Variants in TTC19 observed in about 807,000 individuals in gnomAD.
TTC19 encodes tetratricopeptide repeat protein 19, mitochondrial.
A neutral mutation model predicts 49.5 loss-of-function variants in TTC19; 38 were observed. The ratio of observed to expected loss-of-function variants is 0.77; its 90% CI spans 0.59 to 1.01. The LOEUF (loss-of-function observed/expected upper bound fraction) is 1.01. Ranked by LOEUF, TTC19 falls within the 50% of genes least tolerant of loss-of-function variation. The pLI, the probability that TTC19 is intolerant of heterozygous loss-of-function variation, is 0.00. For synonymous variants in TTC19, 204 were observed against 185.2 expected, an observed-to-expected ratio of 1.10 and a Z score of -0.83; for missense variants, 475 against 477.7, an observed-to-expected ratio of 0.99 and a Z score of 0.05.
intron 7 of TTC19, among the ~76,000 whole-genome samples, chr17:16,009,754 T>C (rs1221211033): frequency 4.6e-5 from 7 of 152,188 alleles, no homozygotes; most frequent in Non-Finnish European, 8.8e-5. Flanking sequence ...AAAATTACAT[T>C]ACTTAATTAC....
At chr17:16,031,569 C>T (rs953934515), downstream of TTC19, 3 of 219,874 alleles carry the variant, frequency 1.4e-5, no homozygotes, top group Non-Finnish European at 2.7e-5. Flanking sequence ...CTAGAACATA[C>T]CCATGCAGTA....
chr17:16,020,813 C>T (rs1971355657), intron 7 of TTC19, among the ~76,000 whole-genome samples: 1 of 151,966 alleles, frequency 6.6e-6, no homozygotes, highest in South Asian at 2.1e-4. Context: ...ATTAGGAGTA[C>T]AGGCACGTGC....
intron 2 of TTC19, chr17:16,034,912 A>G (rs762066806): frequency 9.3e-6 from 15 of 1,613,958 alleles, no homozygotes; most frequent in Non-Finnish European, 8.5e-7. Context: ...CTGCTGTTTG[A>G]CTTGCTGATC....
intron 7 of TTC19, among the ~76,000 whole-genome samples, chr17:16,020,694 G>C (rs886426571): frequency 6.6e-6 from 1 of 151,862 alleles, no homozygotes; most frequent in African/African-American, 2.4e-5. Flanking sequence ...CAAGAGACAA[G>C]GTCTTCCTTT....
chr17:16,028,818 CAAAAA>C lies in TTC19; in HGVS notation c.*1320_*1324del, dbSNP rs59177775. 883 of 98,624 alleles carry C rather than the reference CAAAAA, an allele frequency of 9.0e-3. 2 individuals are homozygous for C. The highest frequency in any genetic ancestry group is 0.037 in the African/African-American group (457 of 12,404). The allele number at this position is 98,624 out of a possible 1,614,324, so 6.1% of individuals were successfully genotyped here. ...GTATCCCAGTAATCTTTGCATTTCT[CAAAAA>C]AAAAAAAAAAAAAAAAAAAAAAACT... On this transcript the variant is annotated 3_prime_UTR_variant, in exon 10 of 10. Transcript: ENST00000261647.
chr17:16,038,285 G>A (rs2056837126), intron 2 of TTC19, among the ~76,000 whole-genome samples: 1 of 152,088 alleles, frequency 6.6e-6, no homozygotes, highest in Admixed American at 6.5e-5. Context: ...TTGTGTGCTT[G>A]TTTTTAACAG....
chr17:16,042,276 A>C (rs958037149), intron 2 of TTC19, among the ~76,000 whole-genome samples: 1 of 149,558 alleles, frequency 6.7e-6, no homozygotes, highest in Non-Finnish European at 1.5e-5. Flanking sequence ...GAGCCCTGTT[A>C]TCATGAAGTG....
At chr17:16,008,465 T>C (rs537823840) in intron 7 of TTC19, among the ~76,000 whole-genome samples, 1 of 152,048 alleles carries the variant, frequency 6.6e-6, no homozygotes, top group Non-Finnish European at 1.5e-5. Flanking sequence ...GGATCAGCCA[T>C]CAAAATATAT....
At chr17:16,033,641 G>A (rs181703900), downstream of TTC19, among the ~76,000 whole-genome samples, 116 of 109,634 alleles carry the variant, frequency 1.1e-3, no homozygotes, top group African/African-American at 3.5e-3. Context: ...TCTAAAATTC[G>A]TAATATCCCA....
In TTC19 at chr17:16,034,613, A is replaced by G. The variant is rs1973719576; in HGVS notation, c.247+7911A>G. ...ACAGAACAAGACCCCTCAAAAAAAT[A>G]CTTCTATTCGGGAAAGTGGAACATA... On this transcript the variant is annotated intron_variant, in intron 2 of 2. Transcript: ENST00000470649. 4 of 716,186 alleles carry G rather than the reference A, an allele frequency of 5.6e-6. No homozygotes were observed. In the East Asian group the frequency reaches 1.1e-4, roughly 19 times the overall value. The allele number at this position is 716,186 out of a possible 1,614,324, so 44.4% of individuals were successfully genotyped here.
intron 4 of TTC19, 69 bp downstream of exon 4, chr17:16,002,900 A>C: frequency 1.4e-6 from 2 of 1,414,584 alleles, no homozygotes; most frequent in East Asian, 4.6e-5. Context: ...TAATAGTAAG[A>C]GTACAGGCTA....
chr17:16,007,127 G>A lies in TTC19; in HGVS notation c.676+559G>A, dbSNP rs182140363. ...TACCTACTCTATACCAAGAGCTACCGAGATGGTAGGGATACAGCAGTCAAC... is the reference window on the plus strand; with the variant it reads ...TACCTACTCTATACCAAGAGCTACCAAGATGGTAGGGATACAGCAGTCAAC... On this transcript the variant is annotated intron_variant, in intron 7 of 9. Transcript: ENST00000261647. 4.7e-4 allele frequency among the ~76,000 whole-genome samples: 72 copies of A among 152,194 alleles called. 2 individuals carry two copies. In the East Asian group the frequency reaches 0.011, roughly 23 times the overall value.
chr17:16,002,822 G>A lies in TTC19; in HGVS notation c.453G>A (p.Gln151=). Reference sequence around the variant, plus strand: ...CCAACTTAGCATTTATACGGGGTCAGCTTGAAAATGTAAGTAAATTGCTTT... The same window carrying A: ...CCAACTTAGCATTTATACGGGGTCAACTTGAAAATGTAAGTAAATTGCTTT... The part of the protein sequence containing the change: ...LMANLAFIRG[Q]LENAEQLFKA... Residue 151 remains glutamine (Q), a synonymous_variant, in exon 4 of 10, where the codon CAG becomes CAA. Coordinates refer to ENST00000261647, the MANE Select transcript of TTC19 (RefSeq NM_017775.4). 2 of 1,614,004 alleles carry A rather than the reference G, an allele frequency of 1.2e-6. No homozygotes were observed. Among genetic ancestry groups the A allele is most frequent in the Non-Finnish European group, 1.7e-6 (2 of 1,179,950 alleles).
intron 2 of TTC19, among the ~76,000 whole-genome samples, chr17:16,038,880 C>T (rs761311436): frequency 6.6e-6 from 1 of 152,188 alleles, no homozygotes; most frequent in Non-Finnish European, 1.5e-5. Flanking sequence ...AAGCAATTCT[C>T]CTGCCTCAGC....
rs115686307 is a variant in TTC19 at position 16,027,735 on chromosome 17, G to T, written c.*213G>T. On this transcript the variant is annotated 3_prime_UTR_variant, in exon 10 of 10. Coordinates refer to ENST00000261647, the MANE Select transcript of TTC19 (RefSeq NM_017775.4). The stretch of plus-strand genomic sequence containing the variant: ...ATTCCCAACTGATTATGACCTTTCA[G>T]GATGTCGTCAAGTGATGCTTTCAGT... 901 of 632,784 alleles carry T rather than the reference G, an allele frequency of 1.4e-3. 11 individuals are homozygous for T. In the African/African-American group the frequency reaches 0.015, roughly 11 times the overall value. The allele number at this position is 632,784 out of a possible 1,614,324, so 39.2% of individuals were successfully genotyped here. A position where few individuals can be genotyped will look rare whatever the true frequency, so the allele number is the denominator to read the frequency against.
Position 16,025,032 on chromosome 17 carries a change from A to C in TTC19, c.692A>C (p.Asn231Thr), listed in dbSNP as rs150945703. 1 of 1,613,800 alleles carries C rather than the reference A, an allele frequency of 6.2e-7. No homozygotes were observed. The highest frequency in any genetic ancestry group is 8.5e-7 in the Non-Finnish European group (1 of 1,179,844). ...TTCTCCTTAGTGGAAGAGAAAGCCA[A>C]TACCCACCTCCTCTTGGGCATGTGC... is the stretch of plus-strand genomic sequence containing the variant. ...EDIMSVEEKANTHLLLGMCLD... is the reference protein window; with the variant it reads ...EDIMSVEEKATTHLLLGMCLD... Residue 231 changes from asparagine (N) to threonine (T), a missense_variant, in exon 8 of 10, where the codon AAT (asparagine) becomes ACT (threonine). Asn to Thr is a moderately conservative substitution (Grantham distance 65, BLOSUM62 0). Transcript: ENST00000261647.
intron 7 of TTC19, among the ~76,000 whole-genome samples, chr17:16,017,875 A>C (rs1182358893): frequency 6.6e-6 from 1 of 152,210 alleles, no homozygotes; most frequent in East Asian, 1.9e-4. Context: ...CTCTTACAGG[A>C]ACTTTTCCCT....
At chr17:16,030,563 T>G (rs932382910), downstream of TTC19, 11 of 187,594 alleles carry the variant, frequency 5.9e-5, no homozygotes, top group Non-Finnish European at 1.1e-4. Context: ...ATTTTGAAAT[T>G]TTTATATGTT....
In TTC19 at chr17:15,999,926, G is replaced by A; in HGVS notation, c.78G>A (p.Ala26=). ...GGCGGCGGTGCCGGGGCTGCTCCGC[G>A]CGCCTGCTCCCGGGGCTGGCAGGAG... is the stretch of plus-strand genomic sequence containing the variant. ...AAGRRCRGCS[A]RLLPGLAGGP... is the part of the protein sequence containing the mutation. Residue 26 remains alanine, a synonymous_variant, in exon 1 of 10, where the codon GCG becomes GCA. Transcript: ENST00000261647. The A allele has an allele frequency of 7.4e-7, 1 of 1,343,230 alleles. No individual in the cohort carries two copies. 83.2% of individuals were successfully genotyped at this position (1,343,230 alleles called of 1,614,324 possible).
Sources: gnomAD v4.1 joint callset for allele counts (sites outside exome capture counted in the v4.1 genomes callset) on GRCh38, gnomAD v4.1.1 for gene constraint, MANE v1.5 for transcripts, NCBI Gene and HGNC (gene_info 2026-07-23, HGNC 2026-07-21) for gene names.